The following KLHL23 variants were observed in gnomAD, a reference collection of about 807,000 sequenced individuals.
KLHL23 encodes the protein kelch like family member 23.
KLHL23 carries 33 observed loss-of-function variants against 48.9 expected under a neutral mutation model. The observed-to-expected ratio is 0.67, with a 90% CI of 0.51 to 0.90. The LOEUF is 0.90. Among genes scored for constraint, KLHL23 ranks in the 40% least tolerant of loss-of-function variants. The pLI is 0.00. For missense variants in KLHL23, 608 were observed against 669.6 expected (o/e 0.91, Z 1.02); for synonymous variants, 234 against 231.6 (o/e 1.01, Z -0.09).
At chr2:169,738,373 C>T (rs148339123) in intron 2 of KLHL23, among the ~76,000 whole-genome samples, 11 of 152,058 alleles carry the variant, frequency 7.2e-5, no homozygotes, top group African/African-American at 2.4e-4. Flanking sequence ...TCCCAAAGTG[C>T]GGGGATTATA....
chr2:169,745,009 G>A (rs944989290), intron 3 of KLHL23, among the ~76,000 whole-genome samples: 1 of 151,604 alleles, frequency 6.6e-6, no homozygotes, highest in Non-Finnish European at 1.5e-5. Context: ...ACAATCTTGG[G>A]TTCAGCGATT....
intron 2 of KLHL23, among the ~76,000 whole-genome samples, chr2:169,739,615 C>T (rs997027917): frequency 5.3e-5 from 8 of 152,218 alleles, no homozygotes; most frequent in South Asian, 2.1e-4. Context: ...TGATTTCCCT[C>T]GTCAAATGCA....
chr2:169,736,521 T>C (rs1016537072), intron 2 of KLHL23, among the ~76,000 whole-genome samples: 1 of 152,228 alleles, frequency 6.6e-6, no homozygotes, highest in African/African-American at 2.4e-5. Context: ...TATTCAACTT[T>C]TTCCTCTCAA....
At chr2:169,742,273 G>C (rs1023566458) in intron 3 of KLHL23, among the ~76,000 whole-genome samples, 1 of 152,188 alleles carries the variant, frequency 6.6e-6, no homozygotes, top group Non-Finnish European at 1.5e-5. Context: ...TCAGTGGAGG[G>C]GGTAGTGGAA....
intron 3 of KLHL23, among the ~76,000 whole-genome samples, chr2:169,744,638 A>C (rs1688753985): frequency 1.3e-5 from 2 of 149,638 alleles, no homozygotes; most frequent in African/African-American, 2.5e-5. Flanking sequence ...GGCTAACCGC[A>C]ACATCCGCAT....
At chr2:169,742,347 G>T (rs1484071231) in intron 3 of KLHL23, among the ~76,000 whole-genome samples, 1 of 152,212 alleles carries the variant, frequency 6.6e-6, no homozygotes, top group East Asian at 1.9e-4. Flanking sequence ...CACTGGCTAA[G>T]CACTTCATAT....
At position 169,749,990 on chromosome 2, in the gene KLHL23, T is replaced by C; in HGVS notation, c.*258T>C. The C allele has an allele frequency of 5.0e-6, 1 of 198,940 alleles. No homozygotes were observed. Among genetic ancestry groups the C allele is most frequent in the African/African-American group, 2.9e-5 (1 of 34,570 alleles). 12.3% of individuals were successfully genotyped at this position (198,940 alleles called of 1,614,324 possible). A position where few individuals can be genotyped will look rare whatever the true frequency, so the allele number is the denominator to read the frequency against. ...ACATATATATGTGTATATATACGTA[T>C]GTATACATATATGTGTATATATACG... On this transcript the variant is annotated 3_prime_UTR_variant, in exon 4 of 4. Coordinates refer to ENST00000392647, the MANE Select transcript of KLHL23 (RefSeq NM_144711.6).
chr2:169,745,239 G>A lies in KLHL23; in HGVS notation c.1366+3702G>A, dbSNP rs964014152. Among the ~76,000 whole-genome samples, 60 of 152,060 alleles carry A rather than the reference G, an allele frequency of 3.9e-4. 1 individual carries two copies. The highest frequency in any genetic ancestry group is 1.3e-3 in the African/African-American group (56 of 41,534). On this transcript the variant is annotated intron_variant, in intron 3 of 3. Coordinates refer to ENST00000392647, the MANE Select transcript of KLHL23 (RefSeq NM_144711.6). ...TTAAGAAGAGAACTCTTGGCTGGGCGCGGTGGCTCACGCCTGTAATCCCTG... is the reference window on the plus strand; with the variant it reads ...TTAAGAAGAGAACTCTTGGCTGGGCACGGTGGCTCACGCCTGTAATCCCTG...
intron 2 of KLHL23, among the ~76,000 whole-genome samples, chr2:169,740,488 A>G (rs921146236): frequency 2.7e-5 from 4 of 146,512 alleles, no homozygotes; most frequent in African/African-American, 7.6e-5. Context: ...TCGCTCTGTC[A>G]CCCAGGCTGG....
rs1306311936 is a variant in KLHL23, at chr2:169,751,030, A to C, written c.*1298A>C. The C allele has an allele frequency of 6.6e-6, 1 of 152,198 alleles. No homozygotes were observed. Among genetic ancestry groups the C allele is most frequent in the African/African-American group, 2.4e-5 (1 of 41,456 alleles). 9.4% of individuals were successfully genotyped at this position (152,198 alleles called of 1,614,324 possible). On this transcript the variant is annotated 3_prime_UTR_variant, in exon 4 of 4. Coordinates refer to ENST00000392647, the MANE Select transcript of KLHL23 (RefSeq NM_144711.6). ...AGTCATTTAACCTCTCCTTGATTAG[A>C]GCTTCCTGAGCCATGCACACTGGCA...
intron 1 of KLHL23, 41 bp downstream of exon 1, chr2:169,734,128 G>T: frequency 1.4e-5 from 2 of 143,120 alleles, no homozygotes; most frequent in South Asian, 3.8e-4. Flanking sequence ...CCGGCCTGCT[G>T]GGAGCGAGCG....
Position 169,735,676 on chromosome 2 carries a change from A to G in KLHL23, c.662A>G (p.Asn221Ser), listed in dbSNP as rs756220256. The G allele has an allele frequency of 6.2e-7, 1 of 1,614,040 alleles. No homozygotes were observed. Among genetic ancestry groups the G allele is most frequent in the South Asian group, 1.1e-5 (1 of 91,080 alleles). ...GAAAATCGAATTGAATGCCTCTATA[A>G]TCTACTGAGCTATATCAACATTGAT... is the stretch of plus-strand genomic sequence containing the variant. ...DVENRIECLY[N>S]LLSYINIDID... The change falls in exon 2 of 4, where the codon AAT (asparagine) becomes AGT (serine). Residue 221 changes from asparagine (N) to serine (S), a missense_variant. By Grantham distance (46) the Asn-to-Ser change is conservative. This residue lies in a region of KLHL23 where 419 missense variants were observed against 473.1 expected (regional missense o/e 0.89). Coordinates refer to ENST00000392647, the MANE Select transcript of KLHL23 (RefSeq NM_144711.6). This position sits in a 1 kb window ranked among gnomAD's most constrained non-coding sequence, Gnocchi z 4.5.
In KLHL23 at chr2:169,747,389, T is replaced by TAAAAAAAAAAAAAAAAAAAAAAAAAAAA. The variant is rs10690582; in HGVS notation, c.1367-2014_1367-2013insAAAAAAAAAAAAAAAAAAAAAAAAAAAA. Among the ~76,000 whole-genome samples the TAAAAAAAAAAAAAAAAAAAAAAAAAAAA allele has an allele frequency of 1.6e-4, 11 of 69,230 alleles. 2 individuals are homozygous for TAAAAAAAAAAAAAAAAAAAAAAAAAAAA. Among genetic ancestry groups the TAAAAAAAAAAAAAAAAAAAAAAAAAAAA allele is most frequent in the Non-Finnish European group, 1.5e-4 (6 of 39,138 alleles). The allele number at this position is 69,230 out of a possible 152,430, so 45.4% of individuals were successfully genotyped here. On this transcript the variant is annotated intron_variant, in intron 3 of 3. Coordinates refer to ENST00000392647, the MANE Select transcript of KLHL23 (RefSeq NM_144711.6). ...GGGAGACAGAGCGAGACTCTGTCTC[T>TAAAAAAAAAAAAAAAAAAAAAAAAAAAA]AAAAAAAAAAAAAAAAAAACTGAGG...
At chr2:169,738,337 C>T (rs113164940) in intron 2 of KLHL23, among the ~76,000 whole-genome samples, 31,531 of 151,936 alleles carry the variant, frequency 0.21, 3,641 homozygotes, top group African/African-American at 0.31. Context: ...GAACCCCTGG[C>T]CTCAAATGAT....
In KLHL23 at chr2:169,735,075, G is replaced by C. The variant is rs553844231; in HGVS notation, c.61G>C (p.Asp21His). The part of the protein sequence containing the change: ...YLFKDSTHPV[D>H]FLDAFRTFYL... ...TTTCAAGGATTCAACACATCCAGTGGATTTTCTGGATGCATTCAGAACATT... is the reference window on the plus strand; with the variant it reads ...TTTCAAGGATTCAACACATCCAGTGCATTTTCTGGATGCATTCAGAACATT... Residue 21 changes from aspartate (D) to histidine (H), a missense_variant, in exon 2 of 4, where the codon GAT (aspartate) becomes CAT (histidine). Asp to His is a moderately conservative substitution (Grantham distance 81). Transcript: ENST00000392647. The surrounding 1 kb of genome is among the most constrained non-coding windows in gnomAD (Gnocchi z 4.5). 1.2e-5 allele frequency: 19 copies of C among 1,599,112 alleles called. No homozygotes were observed. In the Middle Eastern group the frequency reaches 1.0e-3, roughly 85 times the overall value.
Position 169,749,568 on chromosome 2 carries a change from A to G in KLHL23, c.1513A>G (p.Ile505Val). 1 of 1,614,136 alleles carries G rather than the reference A, an allele frequency of 6.2e-7. No individual in the cohort carries two copies. The highest frequency in any genetic ancestry group is 1.1e-5 in the South Asian group (1 of 91,082). Reference sequence around the variant, plus strand: ...AAGGAGGATGGAGTGCGGTGCCGTCATCATGAATGGATGTATTTATGTCAC... The same window carrying G: ...AAGGAGGATGGAGTGCGGTGCCGTCGTCATGAATGGATGTATTTATGTCAC... ...MERRMECGAVIMNGCIYVTGG... is the reference protein window; with the variant it reads ...MERRMECGAVVMNGCIYVTGG... Residue 505 changes from isoleucine (I) to valine (V), a missense_variant, in exon 4 of 4, where the codon ATC becomes GTC. Physicochemically the swap from Ile to Val is conservative, Grantham distance 29. Coordinates refer to ENST00000392647, the MANE Select transcript of KLHL23 (RefSeq NM_144711.6).
chr2:169,734,320 G>T (rs939286825), intron 1 of KLHL23, among the ~76,000 whole-genome samples: 31 of 147,648 alleles, frequency 2.1e-4, no homozygotes, highest in Non-Finnish European at 3.3e-4. Context: ...AGAGGGACGC[G>T]GGCACCGGGC....
In KLHL23 at chr2:169,735,612, A is replaced by G. The variant is rs1688490693; in HGVS notation, c.598A>G (p.Ile200Val). 2.5e-6 allele frequency: 4 copies of G among 1,613,910 alleles called. No homozygotes were observed. The highest frequency in any genetic ancestry group is 1.7e-5 in the Admixed American group (1 of 60,006). The change falls in exon 2 of 4, where the codon ATC (isoleucine) becomes GTC (valine). Residue 200 changes from isoleucine to valine, a missense_variant. Coordinates refer to ENST00000392647, the MANE Select transcript of KLHL23 (RefSeq NM_144711.6). This position sits in a 1 kb window ranked among gnomAD's most constrained non-coding sequence, Gnocchi z 4.5. ...KNLSVWKEEAIIEPVIKWTAH... is the reference protein window; with the variant it reads ...KNLSVWKEEAVIEPVIKWTAH... ...TCTCAGTGTTTGGAAAGAAGAAGCTATCATAGAGCCAGTTATTAAGTGGAC... is the reference window on the plus strand; with the variant it reads ...TCTCAGTGTTTGGAAAGAAGAAGCTGTCATAGAGCCAGTTATTAAGTGGAC...
Position 169,740,376 on chromosome 2 carries a change from ACTT to A in KLHL23, c.1214-1006_1214-1004del, listed in dbSNP as rs562649336. ...GTGATCCCCTGCCTCAGCCTCCTAAACTTCTGGAATTACAGGCATTACTGTAGA... is the reference window on the plus strand; with the variant it reads ...GTGATCCCCTGCCTCAGCCTCCTAAACTGGAATTACAGGCATTACTGTAGA... On this transcript the variant is annotated intron_variant, in intron 2 of 3. Coordinates refer to ENST00000392647, the MANE Select transcript of KLHL23 (RefSeq NM_144711.6). Among the ~76,000 whole-genome samples, 505 of 151,832 alleles carry A rather than the reference ACTT, an allele frequency of 3.3e-3. 5 individuals carry two copies. The highest frequency in any genetic ancestry group is 5.0e-3 in the Non-Finnish European group (343 of 67,932).
Sources: allele counts gnomAD v4.1 joint callset (sites outside exome capture counted in the v4.1 genomes callset), GRCh38; gene constraint gnomAD v4.1.1; regional missense constraint gnomAD v4.1.1; non-coding constraint Gnocchi (gnomAD v3.1); transcripts MANE v1.5; gene names NCBI Gene and HGNC (gene_info 2026-07-23, HGNC 2026-07-21).